Variants in NDST3 observed in about 807,000 individuals in gnomAD.
NDST3 encodes N-deacetylase and N-sulfotransferase 3.
A neutral mutation model predicts 96.1 loss-of-function variants in NDST3; 58 were observed. The ratio of observed to expected loss-of-function variants is 0.60; its 90% CI spans 0.49 to 0.75. NDST3 has a LOEUF of 0.75. Among genes scored for constraint, NDST3 ranks in the 30% least tolerant of loss-of-function variants. NDST3 has a pLI of 0.00. For synonymous variants in NDST3, 333 were observed against 359.7 expected, an observed-to-expected ratio of 0.93 and a Z score of 0.84; for missense variants, 788 against 1,034.2, an observed-to-expected ratio of 0.76 and a Z score of 3.27.
At chr4:118,232,030 TAAGA>T (rs928005541) in intron 8 of NDST3, among the ~76,000 whole-genome samples, 2 of 152,154 alleles carry the variant, frequency 1.3e-5, no homozygotes, top group Non-Finnish European at 2.9e-5. Flanking sequence ...GTTATGTCGC[TAAGA>T]AAGGGCACCA....
At chr4:118,075,715 C>A (rs190507733) in intron 2 of NDST3, among the ~76,000 whole-genome samples, 132 of 150,448 alleles carry the variant, frequency 8.8e-4, no homozygotes, top group African/African-American at 3.1e-3. Flanking sequence ...AGTGTCTGTT[C>A]ATGTCCTTTG....
intron 2 of NDST3, among the ~76,000 whole-genome samples, chr4:118,093,294 A>ACTGG (rs1729030718): frequency 1.3e-5 from 2 of 151,896 alleles, no homozygotes; most frequent in East Asian, 3.9e-4. Context: ...TTTTCTCCTC[A>ACTGG]AAACATGCTG....
chr4:118,099,298 G>A (rs1022650874), intron 2 of NDST3, among the ~76,000 whole-genome samples: 1 of 152,048 alleles, frequency 6.6e-6, no homozygotes, highest in Non-Finnish European at 1.5e-5. Context: ...CAAGAACTGG[G>A]CATTCAGCAG....
chr4:118,092,912 A>G (rs1728995446), intron 2 of NDST3, among the ~76,000 whole-genome samples: 1 of 151,854 alleles, frequency 6.6e-6, no homozygotes, highest in African/African-American at 2.4e-5. Context: ...AAGTGTTGTT[A>G]CATTTATAAG....
At position 118,053,777 on chromosome 4, in the gene NDST3, G is replaced by A. The variant is rs1256294311; in HGVS notation, c.-134G>A. ...TCAGACTGTATTTTCTGTGAGTCCT[G>A]ATCAAGTGATACAAATGAGCTGCAA... is the stretch of plus-strand genomic sequence containing the variant. On this transcript the variant is annotated 5_prime_UTR_variant, in exon 2 of 14. Coordinates refer to ENST00000296499, the MANE Select transcript of NDST3 (RefSeq NM_004784.3). The A allele has an allele frequency of 2.2e-6, 2 of 922,062 alleles. No individual in the cohort carries two copies. Among genetic ancestry groups the A allele is most frequent in the Non-Finnish European group, 1.6e-6 (1 of 623,192 alleles). 57.1% of individuals were successfully genotyped at this position (922,062 alleles called of 1,614,324 possible). A position where few individuals can be genotyped will look rare whatever the true frequency, so the allele number is the denominator to read the frequency against.
At chr4:118,220,790 C>A (rs1739488268) in intron 6 of NDST3, among the ~76,000 whole-genome samples, 1 of 151,918 alleles carries the variant, frequency 6.6e-6, no homozygotes. Flanking sequence ...GTACTAAGGA[C>A]AACTCTAAGT....
intron 6 of NDST3, among the ~76,000 whole-genome samples, chr4:118,211,458 AG>A (rs1247345841): frequency 2.0e-5 from 3 of 152,206 alleles, no homozygotes; most frequent in African/African-American, 4.8e-5. Context: ...TGAAATAAAA[AG>A]ATTTTTAAAT....
At chr4:118,221,763 T>C (rs1739561310) in intron 6 of NDST3, among the ~76,000 whole-genome samples, 2 of 152,192 alleles carry the variant, frequency 1.3e-5, no homozygotes, top group South Asian at 4.1e-4. Context: ...TCTCACAGAC[T>C]AGAAAGAATT....
chr4:118,195,550 G>A (rs1295592284), intron 6 of NDST3, among the ~76,000 whole-genome samples: 1 of 152,118 alleles, frequency 6.6e-6, no homozygotes, highest in Non-Finnish European at 1.5e-5. Flanking sequence ...ACCCAGTCTG[G>A]GGTATGACTT....
chr4:118,239,153 A>T (rs529382783), intron 10 of NDST3, among the ~76,000 whole-genome samples: 84 of 152,324 alleles, frequency 5.5e-4, no homozygotes, highest in African/African-American at 2.0e-3. Context: ...CAAGAGTGGG[A>T]TGTTCCATTC....
At chr4:118,127,640 T>G (rs1732224797) in intron 4 of NDST3, among the ~76,000 whole-genome samples, 1 of 152,070 alleles carries the variant, frequency 6.6e-6, no homozygotes, top group South Asian at 2.1e-4. Context: ...CTTCCAATTT[T>G]GTTCTTTTTG....
intron 6 of NDST3, among the ~76,000 whole-genome samples, chr4:118,151,131 G>A (rs984395481): frequency 3.9e-5 from 6 of 152,094 alleles, no homozygotes; most frequent in South Asian, 4.2e-4. Context: ...GTAAACTATC[G>A]CAAGAACAAA....
At chr4:118,073,278 A>G (rs1436128235) in intron 2 of NDST3, among the ~76,000 whole-genome samples, 2 of 151,902 alleles carry the variant, frequency 1.3e-5, no homozygotes, top group East Asian at 1.9e-4. Flanking sequence ...AATTTTTTGG[A>G]ATGGTTTCAG....
In NDST3 at chr4:118,075,674, C is replaced by T. The variant is rs138293174; in HGVS notation, c.981+20783C>T. On this transcript the variant is annotated intron_variant, in intron 2 of 13. Coordinates refer to ENST00000296499, the MANE Select transcript of NDST3 (RefSeq NM_004784.3). ...TGATGATGAGCATTTTTTCATGTGT[C>T]TGTTGGTTGCATAAACGTCTTCTTT... 3.3e-3 allele frequency among the ~76,000 whole-genome samples: 502 copies of T among 152,232 alleles called. 1 individual carries two copies. Among genetic ancestry groups the T allele is most frequent in the Non-Finnish European group, 5.5e-3 (376 of 68,008 alleles).
At chr4:118,046,788 A>C (rs1560605980) in intron 1 of NDST3, among the ~76,000 whole-genome samples, 1 of 152,160 alleles carries the variant, frequency 6.6e-6, no homozygotes, top group Non-Finnish European at 1.5e-5. Flanking sequence ...ACACTCTCAA[A>C]GCACTGAGAG....
At chr4:118,084,330 A>G (rs144928683) in intron 2 of NDST3, among the ~76,000 whole-genome samples, 1 of 152,290 alleles carries the variant, frequency 6.6e-6, no homozygotes, top group African/African-American at 2.4e-5. Flanking sequence ...CATTTTGTTT[A>G]TCTTAATTAT....
intron 6 of NDST3, among the ~76,000 whole-genome samples, chr4:118,181,952 C>G (rs188823124): frequency 2.7e-3 from 407 of 152,192 alleles, no homozygotes; most frequent in African/African-American, 9.4e-3. Flanking sequence ...AATTAATAAG[C>G]CTTTTATGAT....
intron 4 of NDST3, among the ~76,000 whole-genome samples, chr4:118,131,842 TAGA>T (rs1282624044): frequency 1.3e-5 from 2 of 152,170 alleles, no homozygotes; most frequent in African/African-American, 4.8e-5. Context: ...GGAGAAGATC[TAGA>T]AGAAGGCTCT....
chr4:118,151,807 C>G (rs1241603580), intron 6 of NDST3, among the ~76,000 whole-genome samples: 1 of 152,164 alleles, frequency 6.6e-6, no homozygotes, highest in African/African-American at 2.4e-5. Flanking sequence ...ATAGTGTTTA[C>G]TGCTGTTCAT....
Sources: gnomAD v4.1 joint callset for allele counts (sites outside exome capture counted in the v4.1 genomes callset) on GRCh38, gnomAD v4.1.1 for gene constraint, MANE v1.5 for transcripts, NCBI Gene and HGNC (gene_info 2026-07-23, HGNC 2026-07-21) for gene names.